RGS6: variants seen among roughly 807,000 people sequenced by gnomAD.
RGS6 encodes the protein regulator of G protein signaling 6, also known as regulator of G-protein signaling 6.
RGS6 carries 30 observed loss-of-function variants against 78.5 expected under a neutral mutation model. The ratio of observed to expected loss-of-function variants is 0.38; its 90% CI spans 0.29 to 0.52. The LOEUF is 0.52. RGS6 is among the 20% of genes least tolerant of loss of function. The pLI, the probability that RGS6 is intolerant of heterozygous loss-of-function variation, is 0.85. For synonymous variants in RGS6, 206 were observed against 206.0 expected, an observed-to-expected ratio of 1.00 and a Z score of 0.00; for missense variants, 495 against 609.7, an observed-to-expected ratio of 0.81 and a Z score of 1.98.
intron 2 of RGS6, among the ~76,000 whole-genome samples, chr14:72,226,195 A>G (rs993437883): frequency 6.6e-6 from 1 of 152,132 alleles, no homozygotes; most frequent in African/African-American, 2.4e-5. Flanking sequence ...TTTCAAAGGA[A>G]AAAACTGAAA....
chr14:71,925,718 A>ATATTTATATTATAT, the RGS6 span, among the ~76,000 whole-genome samples: 2 of 147,854 alleles, frequency 1.4e-5, no homozygotes, highest in African/African-American at 5.0e-5. Flanking sequence ...ACTTCATATT[A>ATATTTATATTATAT]TATTATATTA....
At chr14:72,133,981 G>A (rs1311140710) in intron 2 of RGS6, among the ~76,000 whole-genome samples, 1 of 152,118 alleles carries the variant, frequency 6.6e-6, no homozygotes, top group Non-Finnish European at 1.5e-5. Flanking sequence ...CCCAGACATA[G>A]CATCTTTCTC....
chr14:72,492,116 T>C (rs751426199), intron 12 of RGS6, among the ~76,000 whole-genome samples: 1 of 152,220 alleles, frequency 6.6e-6, no homozygotes, highest in African/African-American at 2.4e-5. Context: ...TTTCCTCATC[T>C]ACCATAAGGA....
At chr14:72,553,712 AC>A (rs1321450318) in intron 17 of RGS6, among the ~76,000 whole-genome samples, 3 of 152,200 alleles carry the variant, frequency 2.0e-5, no homozygotes, top group Non-Finnish European at 4.4e-5. Flanking sequence ...AACAGGGAAT[AC>A]CCACTACCTT....
intron 2 of RGS6, among the ~76,000 whole-genome samples, chr14:72,292,557 TA>T (rs1453957595): frequency 1.2e-4 from 18 of 152,230 alleles, no homozygotes; most frequent in Non-Finnish European, 5.9e-5. Flanking sequence ...GTTAAACTTC[TA>T]TTTTCCCGTC....
chr14:72,459,437 C>T (rs1205871866), intron 5 of RGS6, among the ~76,000 whole-genome samples, 195 bp from the exon 6 acceptor site: 3 of 152,170 alleles, frequency 2.0e-5, no homozygotes, highest in Non-Finnish European at 2.9e-5. Flanking sequence ...TGCTTACTTA[C>T]ATTTTGCTTC....
chr14:72,252,034 C>T (rs2055926014), intron 2 of RGS6, among the ~76,000 whole-genome samples: 1 of 152,120 alleles, frequency 6.6e-6, no homozygotes, highest in Non-Finnish European at 1.5e-5. Context: ...AGTGAAGACT[C>T]TGAACTAAAT....
intron 2 of RGS6, among the ~76,000 whole-genome samples, chr14:72,122,099 G>T (rs1317979267): frequency 6.6e-6 from 1 of 152,142 alleles, no homozygotes; most frequent in African/African-American, 2.4e-5. Context: ...ATACTTTATT[G>T]TATAGAAGAT....
chr14:72,422,673 T>A (rs2153111051), intron 3 of RGS6, among the ~76,000 whole-genome samples: 1 of 152,192 alleles, frequency 6.6e-6, no homozygotes, highest in East Asian at 1.9e-4. Flanking sequence ...TGTGTCCCCA[T>A]GAGAGTGGGT....
intron 2 of RGS6, among the ~76,000 whole-genome samples, chr14:72,173,110 C>T (rs1264191084): frequency 6.6e-6 from 1 of 152,166 alleles, no homozygotes; most frequent in African/African-American, 2.4e-5. Flanking sequence ...GCCTCTTTTG[C>T]TGTGCCTGGA....
chr14:72,362,987 G>T (rs1450592278), intron 3 of RGS6, among the ~76,000 whole-genome samples: 1 of 152,212 alleles, frequency 6.6e-6, no homozygotes, highest in Non-Finnish European at 1.5e-5. Flanking sequence ...CCAGGTTTCA[G>T]TAAGTATAAG....
chr14:71,938,412 C>T (rs1475414772), intron 1 of RGS6, among the ~76,000 whole-genome samples: 2 of 152,244 alleles, frequency 1.3e-5, no homozygotes, highest in East Asian at 1.9e-4. Flanking sequence ...TTTCCCTTCA[C>T]CTCTGTCCTT....
the RGS6 span, among the ~76,000 whole-genome samples, chr14:71,914,934 G>A: frequency 6.6e-5 from 10 of 151,928 alleles, 1 homozygote; most frequent in East Asian, 1.6e-3. Flanking sequence ...ATGAACAGAT[G>A]TGACGTTCAT....
chr14:72,195,496 A>T (rs1320673122), intron 2 of RGS6, among the ~76,000 whole-genome samples: 4 of 152,232 alleles, frequency 2.6e-5, no homozygotes, highest in African/African-American at 9.6e-5. Context: ...GCCCAGGGCC[A>T]GGGGCTACTG....
At chr14:72,591,402 T>A in the RGS6 span, among the ~76,000 whole-genome samples, 1 of 152,226 alleles carries the variant, frequency 6.6e-6, no homozygotes, top group African/African-American at 2.4e-5. Flanking sequence ...ATCTTATCTT[T>A]CCTTTTTTCT....
At chr14:72,169,549 T>C (rs997213868) in intron 2 of RGS6, among the ~76,000 whole-genome samples, 4 of 152,218 alleles carry the variant, frequency 2.6e-5, no homozygotes, top group Admixed American at 2.6e-4. Flanking sequence ...ATAAATCTGA[T>C]CTGAGCTTAC....
chr14:72,470,765 G>C (rs1226485732), intron 8 of RGS6, among the ~76,000 whole-genome samples: 1 of 151,722 alleles, frequency 6.6e-6, no homozygotes, highest in African/African-American at 2.4e-5. Context: ...TGTAATCCCA[G>C]CTACTCAGGA....
At chr14:72,374,081 A>G (rs899741321) in intron 3 of RGS6, among the ~76,000 whole-genome samples, 3 of 152,184 alleles carry the variant, frequency 2.0e-5, no homozygotes, top group African/African-American at 7.2e-5. Context: ...CACCAACTGT[A>G]TCTACATTTA....
At chr14:72,051,630 T>A (rs2093251812) in intron 2 of RGS6, among the ~76,000 whole-genome samples, 1 of 152,164 alleles carries the variant, frequency 6.6e-6, no homozygotes, top group South Asian at 2.1e-4. Context: ...AGATAGTTTA[T>A]CCTAATCATA....
Sources: gnomAD v4.1 joint callset for allele counts (sites outside exome capture counted in the v4.1 genomes callset) on GRCh38, gnomAD v4.1.1 for gene constraint, MANE v1.5 for transcripts, NCBI Gene and HGNC (gene_info 2026-07-23, HGNC 2026-07-21) for gene names.